The following ANHX variants were observed in gnomAD, a reference collection of about 807,000 sequenced individuals.
The protein encoded by ANHX is anomalous homeobox, also known as anomalous homeobox protein.
In ANHX, 20 loss-of-function variants were observed where a neutral mutation model predicts 38.9. That is an observed-to-expected ratio of 0.51 (90% CI 0.36 to 0.75). The LOEUF (loss-of-function observed/expected upper bound fraction) is 0.75, where lower values mean the gene tolerates loss of function less well. ANHX is among the 30% of genes least tolerant of loss of function. The pLI is 0.00. For missense variants in ANHX, 475 were observed against 493.1 expected, an observed-to-expected ratio of 0.96 and a Z score of 0.35; for synonymous variants, 185 against 203.1, an observed-to-expected ratio of 0.91 and a Z score of 0.76.
intron 7 of ANHX, among the ~76,000 whole-genome samples, chr12:133,224,693 T>C (rs188068409): frequency 0.18 from 24,433 of 132,238 alleles, 2,743 homozygotes; most frequent in South Asian, 0.29. Flanking sequence ...ATGCTGGGCG[T>C]GGTGGCTCAC....
intron 5 of ANHX, 99 bp from the exon 6 acceptor site, chr12:133,226,537 T>G (rs1377795335): frequency 7.0e-6 from 10 of 1,421,732 alleles, no homozygotes; most frequent in Non-Finnish European, 9.2e-6. Flanking sequence ...AAAAGGCTGT[T>G]GCCATGGGGC....
intron 9 of ANHX, 64 bp downstream of exon 9, chr12:133,219,219 G>T: frequency 7.1e-7 from 1 of 1,412,536 alleles, no homozygotes; most frequent in Non-Finnish European, 9.6e-7. Context: ...ACCCTCCTCA[G>T]CACCATGAGC....
intron 8 of ANHX, among the ~76,000 whole-genome samples, chr12:133,219,697 A>G (rs1395905658): frequency 1.3e-5 from 2 of 152,140 alleles, no homozygotes; most frequent in African/African-American, 4.8e-5. Flanking sequence ...ACTCAGGACA[A>G]GGGGCGGTGG....
chr12:133,226,552 C>T lies in ANHX; in HGVS notation c.719-114G>A. 5.0e-6 allele frequency: 7 copies of T among 1,391,626 alleles called. No individual in the cohort carries two copies. The South Asian group carries it at 1.0e-4, about 21-fold the overall frequency. The allele number at this position is 1,391,626 out of a possible 1,614,324, so 86.2% of individuals were successfully genotyped here. A position where few individuals can be genotyped will look rare whatever the true frequency, so the allele number is the denominator to read the frequency against. On this transcript the variant is annotated intron_variant, in intron 5 of 9. Coordinates refer to ENST00000545940, the MANE Select transcript of ANHX (RefSeq NM_001372060.1). The stretch of plus-strand genomic sequence containing the variant: ...AAAAGGCTGTTGCCATGGGGCCATC[C>T]CAATGTTTTTGCTTCTTGTCCTGTC...
At chr12:133,224,331 G>A (rs893607328) in intron 7 of ANHX, among the ~76,000 whole-genome samples, 6 of 152,188 alleles carry the variant, frequency 3.9e-5, no homozygotes, top group Non-Finnish European at 8.8e-5. Context: ...AAAAAAAGCT[G>A]AAGAGAAAAG....
intron 8 of ANHX, among the ~76,000 whole-genome samples, chr12:133,220,596 T>TG (rs1373685835): frequency 6.6e-6 from 1 of 152,164 alleles, no homozygotes; most frequent in Non-Finnish European, 1.5e-5. Context: ...CCCCACAACC[T>TG]GGGGATCTGC....
chr12:133,225,979 C>T (rs1335292625), intron 6 of ANHX, among the ~76,000 whole-genome samples, 151 bp from the exon 7 acceptor site: 1 of 148,280 alleles, frequency 6.7e-6, no homozygotes, highest in East Asian at 1.9e-4. Flanking sequence ...GCAAAACAGA[C>T]AAAGTACTAG....
chr12:133,232,656 G>T (rs139179555), intron 2 of ANHX, among the ~76,000 whole-genome samples: 4 of 152,154 alleles, frequency 2.6e-5, no homozygotes, highest in African/African-American at 9.7e-5. Flanking sequence ...CTCCTCAGAC[G>T]TACCTGTGGG....
At chr12:133,228,492 T>C (rs1251186533) in intron 3 of ANHX, among the ~76,000 whole-genome samples, 1 of 152,148 alleles carries the variant, frequency 6.6e-6, no homozygotes, top group African/African-American at 2.4e-5. Context: ...CTCACACCCC[T>C]GCCACCCTGC....
intron 8 of ANHX, among the ~76,000 whole-genome samples, chr12:133,220,948 T>C (rs559506386): frequency 3.6e-4 from 55 of 152,200 alleles, no homozygotes; most frequent in African/African-American, 1.3e-3. Flanking sequence ...CCAGGGTGAT[T>C]TGGGGGTAAG....
intron 8 of ANHX, among the ~76,000 whole-genome samples, chr12:133,219,774 A>G (rs1957083772): frequency 6.6e-6 from 1 of 152,208 alleles, no homozygotes; most frequent in Admixed American, 6.5e-5. Context: ...ATGCACCATG[A>G]GAAATGAAGG....
At position 133,234,185 on chromosome 12, in the gene ANHX, T is replaced by C. The variant is rs1371459180; in HGVS notation, c.172A>G (p.Asn58Asp). ...GCGCACGCCAGGGCCACATCTGCGT[T>C]GTCCAGGAGATGCAGGCGGAGCTGG... is the stretch of plus-strand genomic sequence containing the variant. ...DSQLRLHLLDNADVALACARV... is the reference protein window; with the variant it reads ...DSQLRLHLLDDADVALACARV... Residue 58 changes from asparagine to aspartate, a missense_variant, in exon 2 of 10, where the codon AAC becomes GAC. By Grantham distance (23) the Asn-to-Asp change is conservative. Transcript: ENST00000545940. The C allele has an allele frequency of 1.3e-6, 2 of 1,536,058 alleles. No homozygotes were observed. The highest frequency in any genetic ancestry group is 1.2e-5 in the South Asian group (1 of 84,068).
chr12:133,220,571 C>T (rs192986970), intron 8 of ANHX, among the ~76,000 whole-genome samples: 6 of 152,292 alleles, frequency 3.9e-5, no homozygotes, highest in Admixed American at 3.9e-4. Flanking sequence ...GGTTGCAGCT[C>T]CCTGATGAGG....
chr12:133,227,685 C>T (rs975382570), intron 4 of ANHX, 139 bp downstream of exon 4: 22 of 927,538 alleles, frequency 2.4e-5, no homozygotes, highest in African/African-American at 3.3e-5. Flanking sequence ...TCAACAAGGT[C>T]CCTGTCCAGA....
intron 1 of ANHX, chr12:133,234,725 C>T: frequency 4.1e-6 from 1 of 246,328 alleles, no homozygotes; most frequent in South Asian, 6.7e-5. Context: ...TTCATCTGAA[C>T]CCACATACAT....
chr12:133,232,477 G>A (rs558509383), intron 2 of ANHX, among the ~76,000 whole-genome samples: 8 of 152,264 alleles, frequency 5.3e-5, no homozygotes, highest in South Asian at 2.1e-4. Flanking sequence ...CCTCAGAGCC[G>A]ACGGCTCTGT....
chr12:133,231,664 G>A lies in ANHX; in HGVS notation c.250-20C>T, dbSNP rs575058016. 5.6e-4 allele frequency: 862 copies of A among 1,535,742 alleles called. 3 individuals carry two copies. The African/African-American group carries it at 0.01, about 19-fold the overall frequency. ...GCACCCCTGCCAAGAAGAGTGTACTGAGCCCTGGCCACCTGCCCACCCTGG... is the reference window on the plus strand; with the variant it reads ...GCACCCCTGCCAAGAAGAGTGTACTAAGCCCTGGCCACCTGCCCACCCTGG... On this transcript the variant is annotated intron_variant, in intron 2 of 9. Transcript: ENST00000545940.
rs1388187300 is a variant in ANHX at position 133,218,567 on chromosome 12, T to A, written c.*318A>T. The A allele has an allele frequency of 4.7e-6, 1 of 211,084 alleles. No individual in the cohort carries two copies. The highest frequency in any genetic ancestry group is 9.3e-6 in the Non-Finnish European group (1 of 106,964). 13.1% of individuals were successfully genotyped at this position (211,084 alleles called of 1,614,324 possible). On this transcript the variant is annotated 3_prime_UTR_variant, in exon 10 of 10. Coordinates refer to ENST00000545940, the MANE Select transcript of ANHX (RefSeq NM_001372060.1). ...GGCAAGGCAGCCAGCAGCAGAACAC[T>A]CCCCTCTCTAGAATGGCCTTCTCTG...
chr12:133,219,598 C>A (rs36142519), intron 8 of ANHX, among the ~76,000 whole-genome samples: 57,986 of 151,834 alleles, frequency 0.38, 12,277 homozygotes, highest in East Asian at 0.69. Flanking sequence ...ACAGAGGGCT[C>A]AGAGCAGGGT....
Sources: gnomAD v4.1 joint callset for allele counts (sites outside exome capture counted in the v4.1 genomes callset) on GRCh38, gnomAD v4.1.1 for gene constraint, MANE v1.5 for transcripts, NCBI Gene and HGNC (gene_info 2026-07-23, HGNC 2026-07-21) for gene names.